ARSB: variants seen among roughly 807,000 people sequenced by gnomAD.
The protein encoded by ARSB is N-acetylgalactosamine-4-sulfatase.
ARSB carries 41 observed loss-of-function variants against 50.9 expected under a neutral mutation model. That is an observed-to-expected ratio of 0.81 (90% CI 0.63 to 1.04). The LOEUF (loss-of-function observed/expected upper bound fraction) is 1.04, where lower values mean the gene tolerates loss of function less well. Among genes scored for constraint, ARSB ranks in the 50% least tolerant of loss-of-function variants. The pLI, the probability that ARSB is intolerant of heterozygous loss-of-function variation, is 0.00. For missense variants in ARSB, 672 were observed against 693.3 expected, an observed-to-expected ratio of 0.97 and a Z score of 0.35; for synonymous variants, 269 against 284.8, an observed-to-expected ratio of 0.94 and a Z score of 0.56.
At position 78,985,307 on chromosome 5, in the gene ARSB, GAAT is replaced by G. The variant is rs1194104135; in HGVS notation, c.-62_-60del. The G allele has an allele frequency of 1.6e-6, 2 of 1,236,766 alleles. No individual in the cohort carries two copies. Among genetic ancestry groups the G allele is most frequent in the East Asian group, 6.5e-5 (2 of 30,734 alleles). The allele number at this position is 1,236,766 out of a possible 1,614,324, so 76.6% of individuals were successfully genotyped here. On this transcript the variant is annotated 5_prime_UTR_variant, in exon 1 of 8. Transcript: ENST00000264914. ...CCACCAGCCCCTTGTACCGCTGATAGAATGAGGAACTGGGCTGCCGGGGCCTGC... is the reference window on the plus strand; with the variant it reads ...CCACCAGCCCCTTGTACCGCTGATAGGAGGAACTGGGCTGCCGGGGCCTGC...
At chr5:78,888,797 A>C (rs1484058620) in intron 4 of ARSB, among the ~76,000 whole-genome samples, 1 of 152,242 alleles carries the variant, frequency 6.6e-6, no homozygotes, top group Non-Finnish European at 1.5e-5. Context: ...GTGTTTCCAC[A>C]TATCATTAGG....
intron 4 of ARSB, among the ~76,000 whole-genome samples, chr5:78,921,159 T>G (rs565097420): frequency 1.3e-5 from 2 of 152,086 alleles, no homozygotes. Context: ...AATCCCAGAG[T>G]TGTATCCTAG....
intron 6 of ARSB, among the ~76,000 whole-genome samples, chr5:78,795,853 A>G (rs1055783530): frequency 2.0e-5 from 3 of 152,248 alleles, no homozygotes; most frequent in African/African-American, 7.2e-5. Flanking sequence ...TTTCTCTGAC[A>G]CCTACTCACT....
At chr5:78,864,639 C>T (rs970471209) in intron 5 of ARSB, among the ~76,000 whole-genome samples, 1 of 152,196 alleles carries the variant, frequency 6.6e-6, no homozygotes, top group Admixed American at 6.5e-5. Flanking sequence ...AAAGTCTTAA[C>T]TTGTTTCAGC....
At position 78,805,940 on chromosome 5, in the gene ARSB, C is replaced by T. The variant is rs756221121; in HGVS notation, c.1214-23966G>A. Among the ~76,000 whole-genome samples, 97 of 152,306 alleles carry T rather than the reference C, an allele frequency of 6.4e-4. 1 individual carries two copies. Among genetic ancestry groups the T allele is most frequent in the Non-Finnish European group, 1.1e-3 (77 of 68,020 alleles). On this transcript the variant is annotated intron_variant, in intron 6 of 7. Transcript: ENST00000264914. ...TGAGCTTGGGCTCCCAGAGTCCCTG[C>T]CTTGTTGCTTTCTAGCTGTGCGGCC... is the stretch of plus-strand genomic sequence containing the variant.
At chr5:78,803,427 ATCCC>A (rs1743464400) in intron 6 of ARSB, among the ~76,000 whole-genome samples, 2 of 152,258 alleles carry the variant, frequency 1.3e-5, no homozygotes, top group Non-Finnish European at 2.9e-5. Flanking sequence ...TTCTACACAC[ATCCC>A]TCCCTCCCTT....
chr5:78,802,894 T>TA (rs1743445224), intron 6 of ARSB, among the ~76,000 whole-genome samples: 1 of 152,244 alleles, frequency 6.6e-6, no homozygotes, highest in African/African-American at 2.4e-5. Context: ...GTGGCCAGGA[T>TA]AAAACTGTGG....
intron 1 of ARSB, among the ~76,000 whole-genome samples, chr5:78,977,176 T>C (rs1752706018): frequency 6.9e-6 from 1 of 144,976 alleles, no homozygotes. Flanking sequence ...CCCCGCGAGA[T>C]GGAGTCTTGC....
intron 5 of ARSB, among the ~76,000 whole-genome samples, chr5:78,871,992 A>G (rs577249166): frequency 3.3e-5 from 5 of 152,086 alleles, no homozygotes; most frequent in Non-Finnish European, 7.4e-5. Context: ...AACCCCATCA[A>G]AAAGCGGGCG....
chr5:78,921,855 C>T (rs1025994083), intron 4 of ARSB, among the ~76,000 whole-genome samples: 1 of 152,188 alleles, frequency 6.6e-6, no homozygotes, highest in Non-Finnish European at 1.5e-5. Flanking sequence ...ATGCCTCACA[C>T]ATCTCCCCAG....
chr5:78,978,619 A>C lies in ARSB; in HGVS notation c.312+6318T>G, dbSNP rs145642606. Among the ~76,000 whole-genome samples, 580 of 152,360 alleles carry C rather than the reference A, an allele frequency of 3.8e-3. 2 individuals are homozygous for C. The highest frequency in any genetic ancestry group is 0.013 in the African/African-American group (557 of 41,588). Reference sequence around the variant, plus strand: ...TAATTCTGAAACCTTTGTAATACAAAGCTACAGCAATCAAGACAGTGAGGC... The same window carrying C: ...TAATTCTGAAACCTTTGTAATACAACGCTACAGCAATCAAGACAGTGAGGC... On this transcript the variant is annotated intron_variant, in intron 1 of 7. Coordinates refer to ENST00000264914, the MANE Select transcript of ARSB (RefSeq NM_000046.5).
chr5:78,783,246 T>C (rs1233977457), intron 6 of ARSB: 1 of 152,170 alleles, frequency 6.6e-6, no homozygotes, highest in East Asian at 1.9e-4. Context: ...AAGTATAGAC[T>C]CCATTGGAGT....
intron 5 of ARSB, among the ~76,000 whole-genome samples, chr5:78,864,908 A>G (rs961794505): frequency 6.6e-6 from 1 of 152,242 alleles, no homozygotes; most frequent in Admixed American, 6.5e-5. Flanking sequence ...TCTCACATCC[A>G]GGTCACGCTG....
At chr5:78,803,024 G>C (rs1467641908) in intron 6 of ARSB, among the ~76,000 whole-genome samples, 1 of 152,174 alleles carries the variant, frequency 6.6e-6, no homozygotes, top group Non-Finnish European at 1.5e-5. Context: ...AGAGAAGGGG[G>C]ACTGTTTGAA....
rs1748827096 is a variant in ARSB, at chr5:78,778,285, T to C, written c.*2112A>G. On this transcript the variant is annotated 3_prime_UTR_variant, in exon 8 of 8. Transcript: ENST00000264914. ...GCTGTTTGCCAACCCAGGAGTTGGG[T>C]AAAGGTTGGTAAGAGATGTTATTAG... 1 of 152,146 alleles carries C rather than the reference T, an allele frequency of 6.6e-6. No homozygotes were observed. The highest frequency in any genetic ancestry group is 2.4e-5 in the African/African-American group (1 of 41,406). The allele number at this position is 152,146 out of a possible 1,614,324, so 9.4% of individuals were successfully genotyped here. A position where few individuals can be genotyped will look rare whatever the true frequency, so the allele number is the denominator to read the frequency against.
At chr5:78,956,777 A>G (rs1332136668) in intron 3 of ARSB, among the ~76,000 whole-genome samples, 1 of 152,162 alleles carries the variant, frequency 6.6e-6, no homozygotes, top group Non-Finnish European at 1.5e-5. Context: ...GAAAGGTTAT[A>G]TGTGTGACTT....
chr5:78,792,050 A>G (rs890076976), intron 6 of ARSB, among the ~76,000 whole-genome samples: 5 of 152,166 alleles, frequency 3.3e-5, no homozygotes, highest in African/African-American at 9.7e-5. Context: ...AAGAAATTGC[A>G]AGAAAACTCA....
At chr5:78,868,223 G>GT (rs1410300806) in intron 5 of ARSB, among the ~76,000 whole-genome samples, 2 of 139,282 alleles carry the variant, frequency 1.4e-5, no homozygotes, top group Admixed American at 7.4e-5. Context: ...ATGGAACCAA[G>GT]TTGGCAAACA....
chr5:78,824,946 T>C (rs1411317704), intron 6 of ARSB, among the ~76,000 whole-genome samples: 3 of 152,216 alleles, frequency 2.0e-5, no homozygotes, highest in Non-Finnish European at 4.4e-5. Flanking sequence ...AAGGAGTGCA[T>C]TTTTCTCTCA....
Sources: gnomAD v4.1 joint callset for allele counts (sites outside exome capture counted in the v4.1 genomes callset) on GRCh38, gnomAD v4.1.1 for gene constraint, MANE v1.5 for transcripts, NCBI Gene and HGNC (gene_info 2026-07-23, HGNC 2026-07-21) for gene names.